The following MIR2052HG variants were observed in gnomAD, a reference collection of about 807,000 sequenced individuals.
MIR2052HG encodes MIR2052 host gene.
intron 2 of MIR2052HG, among the ~76,000 whole-genome samples, chr8:74,655,435 C>A (rs1297082833): frequency 6.6e-6 from 1 of 152,154 alleles, no homozygotes; most frequent in East Asian, 1.9e-4. Flanking sequence ...ATGCTGTGTG[C>A]AGCCTAGGGA....
chr8:74,662,552 T>A (rs544844664), intron 2 of MIR2052HG, among the ~76,000 whole-genome samples: 1 of 152,094 alleles, frequency 6.6e-6, no homozygotes, highest in Non-Finnish European at 1.5e-5. Flanking sequence ...AACCTGCACA[T>A]TCTGCATATG....
At chr8:74,643,676 A>T (rs1237986897) in intron 2 of MIR2052HG, among the ~76,000 whole-genome samples, 1 of 152,220 alleles carries the variant, frequency 6.6e-6, no homozygotes. Flanking sequence ...AAGAAAAATT[A>T]AAAAATATTA....
intron 1 of MIR2052HG, among the ~76,000 whole-genome samples, chr8:74,601,351 G>A (rs917117459): frequency 7.2e-5 from 11 of 152,126 alleles, no homozygotes; most frequent in African/African-American, 2.4e-4. Context: ...ATGCTATTCT[G>A]TATAAGAGAG....
chr8:74,697,990 G>T (rs778078623), intron 2 of MIR2052HG, among the ~76,000 whole-genome samples: 19 of 152,028 alleles, frequency 1.2e-4, no homozygotes, highest in Non-Finnish European at 2.4e-4. Context: ...ATTCTTCACA[G>T]AACTAGAAAA....
At chr8:74,629,972 G>A (rs993759589) in intron 2 of MIR2052HG, among the ~76,000 whole-genome samples, 2 of 152,082 alleles carry the variant, frequency 1.3e-5, no homozygotes, top group Admixed American at 1.3e-4. Context: ...AATGTTTGTT[G>A]AATGGATAAA....
chr8:74,693,258 G>T (rs1187418707), intron 2 of MIR2052HG, among the ~76,000 whole-genome samples: 1 of 152,212 alleles, frequency 6.6e-6, no homozygotes, highest in Admixed American at 6.5e-5. Flanking sequence ...GAAGCAGTGG[G>T]AAGAGCCCTG....
At chr8:74,703,156 C>T (rs545188497) in intron 3 of MIR2052HG, among the ~76,000 whole-genome samples, 9 of 152,054 alleles carry the variant, frequency 5.9e-5, no homozygotes, top group Non-Finnish European at 7.4e-5. Context: ...GGGCCTTGCC[C>T]TTGGGGATTG....
At chr8:74,695,989 A>G (rs1813408) in intron 2 of MIR2052HG, among the ~76,000 whole-genome samples, 99,690 of 151,976 alleles carry the variant, frequency 0.66, 34,226 homozygotes, top group African/African-American at 0.87. Context: ...AGATATTTAC[A>G]GAATGTTCTA....
intron 2 of MIR2052HG, among the ~76,000 whole-genome samples, chr8:74,661,756 C>T (rs1463328918): frequency 1.3e-5 from 2 of 152,076 alleles, no homozygotes; most frequent in Non-Finnish European, 2.9e-5. Context: ...ATGCAGGTGA[C>T]AAGGTTTGAG....
chr8:74,690,577 G>A (rs1484479634), intron 2 of MIR2052HG, among the ~76,000 whole-genome samples: 2 of 151,970 alleles, frequency 1.3e-5, no homozygotes, highest in Non-Finnish European at 2.9e-5. Flanking sequence ...GAACCCAGGA[G>A]GCGGAGTTTG....
intron 1 of MIR2052HG, among the ~76,000 whole-genome samples, chr8:74,611,684 T>C (rs1309597213): frequency 1.3e-5 from 2 of 152,230 alleles, no homozygotes; most frequent in Non-Finnish European, 2.9e-5. Context: ...ACGAACAAAA[T>C]GTAATGTTTC....
intron 2 of MIR2052HG, among the ~76,000 whole-genome samples, chr8:74,627,360 G>A (rs997573325): frequency 1.3e-5 from 2 of 152,168 alleles, no homozygotes; most frequent in African/African-American, 4.8e-5. Context: ...TGGCTGATGA[G>A]TGTTGCTGAA....
intron 2 of MIR2052HG, among the ~76,000 whole-genome samples, chr8:74,655,176 A>T (rs970067778): frequency 1.3e-5 from 2 of 152,170 alleles, no homozygotes; most frequent in Non-Finnish European, 2.9e-5. Flanking sequence ...TTAAAAGAAA[A>T]ACAGAGCATA....
At chr8:74,720,067 G>T (rs1406034405) in intron 4 of MIR2052HG, among the ~76,000 whole-genome samples, 1 of 151,972 alleles carries the variant, frequency 6.6e-6, no homozygotes, top group African/African-American at 2.4e-5. Context: ...GGCCAGGAAG[G>T]TCTTGATCTC....
intron 2 of MIR2052HG, among the ~76,000 whole-genome samples, chr8:74,697,835 C>T (rs527283690): frequency 1.9e-4 from 29 of 152,082 alleles, no homozygotes; most frequent in Non-Finnish European, 3.8e-4. Flanking sequence ...CTACAAAACA[C>T]ATTGATGAAA....
At chr8:74,616,720 T>G (rs1187338807) in intron 2 of MIR2052HG, among the ~76,000 whole-genome samples, 1 of 152,106 alleles carries the variant, frequency 6.6e-6, no homozygotes, top group African/African-American at 2.4e-5. Context: ...ATAGACTTGT[T>G]TTCTCTGCTT....
intron 4 of MIR2052HG, chr8:74,703,752 G>T (rs1450798230): frequency 7.3e-6 from 3 of 411,082 alleles, no homozygotes; most frequent in African/African-American, 2.1e-5. Flanking sequence ...ATCTCTTTTG[G>T]TCCCCTTTCA....
At chr8:74,625,866 G>A (rs1004072038) in intron 2 of MIR2052HG, among the ~76,000 whole-genome samples, 1 of 151,832 alleles carries the variant, frequency 6.6e-6, no homozygotes, top group Non-Finnish European at 1.5e-5. Context: ...TAAAATTTTT[G>A]AACAATAATC....
intron 4 of MIR2052HG, among the ~76,000 whole-genome samples, chr8:74,728,705 TAAC>T (rs1809660277): frequency 6.6e-6 from 1 of 152,074 alleles, no homozygotes; most frequent in African/African-American, 2.4e-5. Context: ...TGCTAGTAAT[TAAC>T]AAGCAAAAGA....
Sources: gnomAD v4.1 joint callset for allele counts (sites outside exome capture counted in the v4.1 genomes callset) on GRCh38, gnomAD v4.1.1 for gene constraint, MANE v1.5 for transcripts, NCBI Gene and HGNC (gene_info 2026-07-23, HGNC 2026-07-21) for gene names.